The following ITGA9 variants were observed in gnomAD, a reference collection of about 807,000 sequenced individuals.
The protein encoded by ITGA9 is integrin alpha-9.
A neutral mutation model predicts 127.8 loss-of-function variants in ITGA9; 56 were observed. The ratio of observed to expected loss-of-function variants is 0.44; its 90% CI spans 0.35 to 0.55. ITGA9 has a LOEUF of 0.55. ITGA9 is among the 20% of genes least tolerant of loss of function. ITGA9 has a pLI of 0.00. For missense variants in ITGA9, 1,196 were observed against 1,347.1 expected, an observed-to-expected ratio of 0.89 and a Z score of 1.76; for synonymous variants, 508 against 514.5, an observed-to-expected ratio of 0.99 and a Z score of 0.17.
intron 1 of ITGA9, among the ~76,000 whole-genome samples, chr3:37,465,953 G>A (rs1475707503): frequency 1.3e-5 from 2 of 151,996 alleles, no homozygotes; most frequent in Non-Finnish European, 2.9e-5. Flanking sequence ...TGACTACTGG[G>A]GTGCGTGCTA....
At chr3:37,469,576 TTGCAACCC>T (rs1458322113) in intron 1 of ITGA9, among the ~76,000 whole-genome samples, 2 of 152,182 alleles carry the variant, frequency 1.3e-5, no homozygotes, top group Non-Finnish European at 2.9e-5. Context: ...CCCTCCCTAA[TTGCAACCC>T]TGCTTTCTCC....
At chr3:37,631,170 C>T (rs1431674893) in intron 16 of ITGA9, among the ~76,000 whole-genome samples, 2 of 152,166 alleles carry the variant, frequency 1.3e-5, no homozygotes, top group Admixed American at 6.5e-5. Flanking sequence ...TACCCAGACT[C>T]GGGGTCCTGG....
At chr3:37,747,722 T>G (rs1696521366) in intron 22 of ITGA9, among the ~76,000 whole-genome samples, 1 of 149,700 alleles carries the variant, frequency 6.7e-6, no homozygotes, top group South Asian at 2.2e-4. Flanking sequence ...TTTTCTTTTT[T>G]TTTTTTGTTT....
At chr3:37,496,471 A>G (rs1392085228) in intron 5 of ITGA9, among the ~76,000 whole-genome samples, 1 of 152,070 alleles carries the variant, frequency 6.6e-6, no homozygotes, top group Non-Finnish European at 1.5e-5. Flanking sequence ...TAACAATGAC[A>G]TCCATTGCCC....
chr3:37,611,306 C>T (rs982899962), intron 15 of ITGA9, among the ~76,000 whole-genome samples: 2 of 152,088 alleles, frequency 1.3e-5, no homozygotes, highest in African/African-American at 4.8e-5. Flanking sequence ...CAGTAAATGC[C>T]ATTTATTGCT....
chr3:37,678,294 T>C (rs770550527), intron 17 of ITGA9, among the ~76,000 whole-genome samples: 1 of 152,254 alleles, frequency 6.6e-6, no homozygotes, highest in African/African-American at 2.4e-5. Flanking sequence ...CTACCAACAG[T>C]GCACAAGGGT....
intron 1 of ITGA9, among the ~76,000 whole-genome samples, chr3:37,468,954 C>T (rs1698399888): frequency 6.6e-6 from 1 of 152,202 alleles, no homozygotes; most frequent in East Asian, 1.9e-4. Context: ...TGTCCAAGAC[C>T]TTTTCCAAAT....
chr3:37,737,005 T>C (rs1056581569), intron 20 of ITGA9, 22 bp downstream of exon 20: 11 of 1,492,430 alleles, frequency 7.4e-6, no homozygotes, highest in South Asian at 2.3e-5. Flanking sequence ...GTTTAAACAC[T>C]TTTTTCAAAG....
At chr3:37,590,559 T>C (rs1421698411) in intron 15 of ITGA9, among the ~76,000 whole-genome samples, 2 of 152,204 alleles carry the variant, frequency 1.3e-5, no homozygotes, top group Non-Finnish European at 2.9e-5. Context: ...ACACCAGCCC[T>C]TGTTCTGCTT....
intron 18 of ITGA9, among the ~76,000 whole-genome samples, chr3:37,724,223 A>G (rs1302011284): frequency 6.6e-6 from 1 of 151,746 alleles, no homozygotes; most frequent in Non-Finnish European, 1.5e-5. Context: ...TACCCCATTC[A>G]TTTCACCCTC....
intron 14 of ITGA9, among the ~76,000 whole-genome samples, chr3:37,538,149 G>T (rs938374794): frequency 2.0e-5 from 3 of 152,228 alleles, no homozygotes; most frequent in Admixed American, 1.3e-4. Context: ...ATTGCATTTT[G>T]CACTCTGACC....
intron 15 of ITGA9, among the ~76,000 whole-genome samples, chr3:37,628,463 C>G (rs1459920489): frequency 6.6e-6 from 1 of 152,166 alleles, no homozygotes; most frequent in Non-Finnish European, 1.5e-5. Context: ...GGGAACTGAG[C>G]CTTTCATTTC....
chr3:37,658,403 C>A (rs1559560179), intron 17 of ITGA9, among the ~76,000 whole-genome samples: 1 of 152,238 alleles, frequency 6.6e-6, no homozygotes, highest in East Asian at 1.9e-4. Flanking sequence ...TGATAGTTAG[C>A]TCTTCTTGTT....
chr3:37,583,583 C>T (rs1294608459), intron 15 of ITGA9, among the ~76,000 whole-genome samples: 2 of 152,188 alleles, frequency 1.3e-5, no homozygotes, highest in African/African-American at 2.4e-5. Context: ...GTACCTTACT[C>T]ATGCCCCCAA....
intron 4 of ITGA9, among the ~76,000 whole-genome samples, chr3:37,484,182 G>A (rs1698585467): frequency 6.6e-6 from 1 of 152,180 alleles, no homozygotes; most frequent in African/African-American, 2.4e-5. Flanking sequence ...CCCAGGGTGG[G>A]AAATAAGGGA....
At chr3:37,471,345 C>T (rs752998850) in intron 2 of ITGA9, among the ~76,000 whole-genome samples, 5 of 152,116 alleles carry the variant, frequency 3.3e-5, no homozygotes, top group Non-Finnish European at 7.4e-5. Flanking sequence ...GCTGCCATCC[C>T]TAGTCCCATA....
At chr3:37,676,296 T>C (rs535155990) in intron 17 of ITGA9, among the ~76,000 whole-genome samples, 4 of 152,236 alleles carry the variant, frequency 2.6e-5, no homozygotes, top group Non-Finnish European at 5.9e-5. Flanking sequence ...AAAACTCATG[T>C]GTATGTTAAA....
chr3:37,656,243 G>C (rs1559559666), intron 17 of ITGA9, among the ~76,000 whole-genome samples: 1 of 152,172 alleles, frequency 6.6e-6, no homozygotes, highest in Non-Finnish European at 1.5e-5. Context: ...GTCAGTTATA[G>C]CTTGATGGGG....
chr3:37,698,474 A>G (rs1287871791), intron 18 of ITGA9, among the ~76,000 whole-genome samples: 1 of 152,220 alleles, frequency 6.6e-6, no homozygotes, highest in Non-Finnish European at 1.5e-5. Flanking sequence ...TTTTAGGTCT[A>G]ACATCTAAGT....
Sources: gnomAD v4.1 joint callset for allele counts (sites outside exome capture counted in the v4.1 genomes callset) on GRCh38, gnomAD v4.1.1 for gene constraint, MANE v1.5 for transcripts, NCBI Gene and HGNC (gene_info 2026-07-23, HGNC 2026-07-21) for gene names.